Variants in NLGN1 observed in about 807,000 individuals in gnomAD.
The protein encoded by NLGN1 is neuroligin-1.
Under a neutral mutation model 65.5 loss-of-function variants are expected in NLGN1, and 12 were observed. The observed-to-expected ratio is 0.18, with a 90% confidence interval of 0.12 to 0.30. The LOEUF (loss-of-function observed/expected upper bound fraction) is 0.30, where lower values mean the gene tolerates loss of function less well. Ranked by LOEUF, NLGN1 falls within the 10% of genes least tolerant of loss-of-function variation. The probability of loss-of-function intolerance (pLI) is 1.00; values close to 1 mark genes in which losing one functional copy is unlikely to be tolerated. For synonymous variants in NLGN1, 350 were observed against 359.5 expected (o/e 0.97, Z 0.30); for missense variants, 750 against 1,007.1 (o/e 0.74, Z 3.46).
At chr3:173,519,968 T>G (rs1734488074) in intron 2 of NLGN1, among the ~76,000 whole-genome samples, 1 of 152,146 alleles carries the variant, frequency 6.6e-6, no homozygotes, top group Non-Finnish European at 1.5e-5. Context: ...GGTAGAATCA[T>G]GGGACGGAGT....
intron 4 of NLGN1, among the ~76,000 whole-genome samples, chr3:174,252,155 A>G (rs944250536): frequency 6.6e-6 from 1 of 152,164 alleles, no homozygotes; most frequent in African/African-American, 2.4e-5. Context: ...ATAAAGGTAT[A>G]TAAAACAGGC....
chr3:173,440,888 T>TA (rs1165273088), intron 2 of NLGN1, among the ~76,000 whole-genome samples: 1 of 152,176 alleles, frequency 6.6e-6, no homozygotes, highest in Non-Finnish European at 1.5e-5. Flanking sequence ...GACTTCTCTC[T>TA]AGCTATGAAA....
intron 3 of NLGN1, among the ~76,000 whole-genome samples, chr3:173,794,287 C>T (rs1222666252): frequency 6.6e-6 from 1 of 152,160 alleles, no homozygotes; most frequent in Non-Finnish European, 1.5e-5. Flanking sequence ...ATATTTGCTT[C>T]ATGTCTCTTT....
At chr3:174,275,912 A>AAGAC (rs1276113157) in intron 5 of NLGN1, among the ~76,000 whole-genome samples, 9 of 151,908 alleles carry the variant, frequency 5.9e-5, no homozygotes, top group Non-Finnish European at 1.5e-5. Context: ...ATCTATTTTC[A>AAGAC]AGACAATAGA....
chr3:174,221,825 T>C (rs1223059062), intron 4 of NLGN1, among the ~76,000 whole-genome samples: 2 of 152,078 alleles, frequency 1.3e-5, no homozygotes, highest in African/African-American at 4.8e-5. Flanking sequence ...TGTTCCTTGA[T>C]ATGTAGCTGC....
Position 173,878,931 on chromosome 3 carries a change from G to A in NLGN1, c.646+71099G>A, listed in dbSNP as rs532924579. ...AGAAAGTGGGGAAATTGACAGTTCCGTCAGAAATGTCTTATTGAGGCTGGG... is the reference window on the plus strand; with the variant it reads ...AGAAAGTGGGGAAATTGACAGTTCCATCAGAAATGTCTTATTGAGGCTGGG... On this transcript the variant is annotated intron_variant, in intron 4 of 6. Transcript: ENST00000457714. Among the ~76,000 whole-genome samples, 8 of 152,006 alleles carry A rather than the reference G, an allele frequency of 5.3e-5. No individual in the cohort carries two copies. The South Asian group carries it at 1.2e-3, about 24-fold the overall frequency.
rs530560237 is a variant in NLGN1 at position 173,495,667 on chromosome 3, A to G, written c.-321+60589A>G. Among the ~76,000 whole-genome samples, 10 of 127,768 alleles carry G rather than the reference A, an allele frequency of 7.8e-5. No homozygotes were observed. In the South Asian group the frequency reaches 2.8e-3, roughly 36 times the overall value. The allele number at this position is 127,768 out of a possible 152,430, so 83.8% of individuals were successfully genotyped here. On this transcript the variant is annotated intron_variant, in intron 2 of 6. Coordinates refer to ENST00000457714, the Ensembl canonical transcript of NLGN1. ...AATTTTCTTCTTTTCCCGGTTTTCT[A>G]AGAGTCTTTTTTGAAAAAAAAAAAA...
chr3:173,500,947 C>G (rs1285527798), intron 2 of NLGN1, among the ~76,000 whole-genome samples: 2 of 152,042 alleles, frequency 1.3e-5, no homozygotes, highest in Non-Finnish European at 2.9e-5. Flanking sequence ...TTACTCTGCA[C>G]TTAACACGTT....
intron 4 of NLGN1, among the ~76,000 whole-genome samples, chr3:174,106,390 C>G (rs1157937177): frequency 6.6e-6 from 1 of 151,920 alleles, no homozygotes; most frequent in Non-Finnish European, 1.5e-5. Context: ...TATCTTGAAG[C>G]AAAAACACAA....
intron 2 of NLGN1, among the ~76,000 whole-genome samples, chr3:173,492,006 C>T (rs566888290): frequency 2.6e-5 from 4 of 151,884 alleles, no homozygotes; most frequent in African/African-American, 9.7e-5. Context: ...GTAATTCCTC[C>T]TCACTGACAA....
chr3:173,811,045 A>G (rs1007925530), intron 4 of NLGN1, among the ~76,000 whole-genome samples: 4 of 152,204 alleles, frequency 2.6e-5, no homozygotes, highest in Non-Finnish European at 5.9e-5. Flanking sequence ...ACCTCCTGCC[A>G]TTTAGTTTCA....
chr3:174,108,968 A>G (rs1226926143), intron 4 of NLGN1, among the ~76,000 whole-genome samples: 2 of 152,104 alleles, frequency 1.3e-5, no homozygotes, highest in African/African-American at 4.8e-5. Flanking sequence ...ACACACACAT[A>G]TATAACAGGT....
At chr3:173,632,754 G>A (rs1755887322) in intron 3 of NLGN1, among the ~76,000 whole-genome samples, 1 of 151,604 alleles carries the variant, frequency 6.6e-6, no homozygotes, top group African/African-American at 2.4e-5. Flanking sequence ...GCCAAGGAAA[G>A]CAGCCAGACA....
chr3:173,460,376 G>T (rs998820637), intron 2 of NLGN1, among the ~76,000 whole-genome samples: 1 of 152,070 alleles, frequency 6.6e-6, no homozygotes, highest in Non-Finnish European at 1.5e-5. Flanking sequence ...GATCAGACAT[G>T]TACAAAATTA....
Position 173,466,896 on chromosome 3 carries a change from C to T in NLGN1, c.-321+31818C>T, listed in dbSNP as rs868394955. Among the ~76,000 whole-genome samples, 8 of 152,218 alleles carry T rather than the reference C, an allele frequency of 5.3e-5. No homozygotes were observed. The Middle Eastern group carries it at 0.01, about 194-fold the overall frequency. ...AAACTTACAGATTCAAGCACTAGCA[C>T]ATTTTCATTTAAACAAATTTATGTG... On this transcript the variant is annotated intron_variant, in intron 2 of 6. Coordinates refer to ENST00000457714, the Ensembl canonical transcript of NLGN1.
chr3:173,522,787 T>C (rs778665073), intron 2 of NLGN1, among the ~76,000 whole-genome samples: 3 of 152,116 alleles, frequency 2.0e-5, no homozygotes, highest in Non-Finnish European at 4.4e-5. Flanking sequence ...AGATACGCAG[T>C]AGTGGGATTT....
intron 1 of NLGN1, among the ~76,000 whole-genome samples, chr3:173,422,767 T>C (rs539796498): frequency 6.6e-6 from 1 of 152,338 alleles, no homozygotes; most frequent in African/African-American, 2.4e-5. Context: ...GTATGTCTTC[T>C]TTTTAGAAAT....
chr3:173,742,813 T>A (rs1955248), intron 3 of NLGN1, among the ~76,000 whole-genome samples: 1 of 152,000 alleles, frequency 6.6e-6, no homozygotes, highest in South Asian at 2.1e-4. Context: ...TATTAGTTGA[T>A]GTTTTAGGGA....
At chr3:173,538,448 T>C (rs1737827705) in intron 2 of NLGN1, among the ~76,000 whole-genome samples, 2 of 152,186 alleles carry the variant, frequency 1.3e-5, no homozygotes, top group African/African-American at 4.8e-5. Context: ...AATAAGGCAT[T>C]GTGTAAGTCA....
Sources: allele counts gnomAD v4.1 joint callset (sites outside exome capture counted in the v4.1 genomes callset), GRCh38; gene constraint gnomAD v4.1.1; transcripts MANE v1.5; gene names NCBI Gene and HGNC (gene_info 2026-07-23, HGNC 2026-07-21).